Variants in HSPA8 observed in about 807,000 individuals in gnomAD.
HSPA8 encodes the protein heat shock protein family A (Hsp70) member 8.
HSPA8 carries 2 observed loss-of-function variants against 52.8 expected under a neutral mutation model. The ratio of observed to expected loss-of-function variants is 0.04; its 90% confidence interval spans 0.02 to 0.12. The LOEUF (loss-of-function observed/expected upper bound fraction) is 0.12, where lower values mean the gene tolerates loss of function less well. Ranked by LOEUF, HSPA8 falls within the 10% of genes least tolerant of loss-of-function variation. The probability of loss-of-function intolerance (pLI) is 1.00; values close to 1 mark genes in which losing one functional copy is unlikely to be tolerated. For missense variants in HSPA8, 349 were observed against 800.5 expected, an observed-to-expected ratio of 0.44 and a Z score of 6.81; for synonymous variants, 436 against 274.0, an observed-to-expected ratio of 1.59 and a Z score of -5.84.
chr11:123,059,771 G>T lies in HSPA8; in HGVS notation c.822C>A (p.Leu274=). 1 of 1,613,934 alleles carries T rather than the reference G, an allele frequency of 6.2e-7. No homozygotes were observed. The highest frequency in any genetic ancestry group is 8.5e-7 in the Non-Finnish European group (1 of 1,179,868). ...CAATACTGGCCTGGGTGCTGGAAGA[G>T]AGGGTACGCTTAGCACGTTCACAAG... is the stretch of plus-strand genomic sequence containing the variant. ...RTACERAKRT[L]SSSTQASIEI... Residue 274 remains leucine, a synonymous_variant, in exon 5 of 9, where the codon CTC becomes CTA. Transcript: ENST00000534624.
intron 3 of HSPA8, 125 bp from the exon 4 acceptor site, chr11:123,060,393 T>C: frequency 9.9e-7 from 1 of 1,014,330 alleles, no homozygotes; most frequent in Non-Finnish European, 1.5e-6. Flanking sequence ...TGTAAATTAC[T>C]GTGTAATTGT....
rs1865385345 is a variant in HSPA8, at chr11:123,058,497, T to C, written c.1523-13A>G. ...TTGCTCAAACGGCCTAGGAAAGAAATTAACTCTAAGTAAAAGCCTTAAATT... is the reference window on the plus strand; with the variant it reads ...TTGCTCAAACGGCCTAGGAAAGAAACTAACTCTAAGTAAAAGCCTTAAATT... On this transcript the variant is annotated splice_polypyrimidine_tract_variant and intron_variant, in intron 7 of 8. Coordinates refer to ENST00000534624, the MANE Select transcript of HSPA8 (RefSeq NM_006597.6). The C allele has an allele frequency of 1.2e-6, 2 of 1,611,640 alleles. No homozygotes were observed. The highest frequency in any genetic ancestry group is 1.7e-5 in the Admixed American group (1 of 59,944).
chr11:123,061,350 G>A (rs766071473), intron 1 of HSPA8, 21 bp from the exon 2 acceptor site: 15 of 1,576,798 alleles, frequency 9.5e-6, no homozygotes, highest in East Asian at 2.2e-5. Context: ...GAAAAATCTG[G>A]TTTAAAAATT....
At chr11:123,062,447 AC>A (rs1365783453), upstream of HSPA8, 21 of 152,276 alleles carry the variant, frequency 1.4e-4, no homozygotes, top group African/African-American at 4.8e-4. Context: ...GTCCTCAGTT[AC>A]CCCGGGCGGG....
rs774576037 is a variant in HSPA8, at chr11:123,058,608, G to C, written c.1522+24C>G. On this transcript the variant is annotated intron_variant, in intron 7 of 8. Coordinates refer to ENST00000534624, the MANE Select transcript of HSPA8 (RefSeq NM_006597.6). ...ATTGAAATACCATTATCCCTGTCAA[G>C]ACCAGATGACAGTGCCTCCTTACCC... 6 of 1,596,890 alleles carry C rather than the reference G, an allele frequency of 3.8e-6. No individual in the cohort carries two copies. In the Admixed American group the frequency reaches 5.0e-5, roughly 13 times the overall value.
intron 2 of HSPA8, 98 bp from the exon 3 acceptor site, chr11:123,060,896 G>A (rs752332871): frequency 9.9e-6 from 11 of 1,116,020 alleles, no homozygotes; most frequent in East Asian, 2.4e-5. Context: ...TCATAGGTAG[G>A]TGAATTCAAC....
intron 2 of HSPA8, 110 bp from the exon 3 acceptor site, chr11:123,060,908 A>C (rs755668817): frequency 9.7e-5 from 100 of 1,032,898 alleles, no homozygotes; most frequent in Non-Finnish European, 1.4e-4. Flanking sequence ...GAATTCAACT[A>C]CCATATAGGT....
At position 123,060,629 on chromosome 11, in the gene HSPA8, T is replaced by C. The variant is rs147610984; in HGVS notation, c.375A>G (p.Thr125=). The C allele has an allele frequency of 1.5e-3, 2,417 of 1,613,836 alleles. 26 individuals are homozygous for C. In the African/African-American group the frequency reaches 0.028, roughly 19 times the overall value. The change falls in exon 3 of 9, where the codon ACA becomes ACG. Residue 125 remains threonine, a synonymous_variant. Transcript: ENST00000534624. ...AGGCTTCTGCAATTTCCTTCATCTT[T>C]GTCAGAACCATAGAAGACACCTCCT... is the stretch of plus-strand genomic sequence containing the variant. ...YPEEVSSMVL[T]KMKEIAEAYL... is the part of the protein sequence containing the mutation.
At position 123,061,005 on chromosome 11, in the gene HSPA8, C is replaced by G. The variant is rs910169755; in HGVS notation, c.205+115G>C. ...ACCTGTTTTATAACAGACTTGATAA[C>G]AAGTCTCTCAGCTCAGTTTTTCTAA... On this transcript the variant is annotated intron_variant, in intron 2 of 8. Transcript: ENST00000534624. 5.2e-5 allele frequency: 50 copies of G among 969,094 alleles called. No homozygotes were observed. In the African/African-American group the frequency reaches 5.9e-4, roughly 11 times the overall value. The allele number at this position is 969,094 out of a possible 1,614,324, so 60.0% of individuals were successfully genotyped here.
intron 1 of HSPA8, chr11:123,061,680 T>A: frequency 3.2e-6 from 1 of 316,782 alleles, no homozygotes; most frequent in South Asian, 3.1e-5. Flanking sequence ...TGTACCCCCA[T>A]ACTGGAAGCA....
chr11:123,057,765 G>A lies in HSPA8; in HGVS notation c.1910C>T (p.Ser637Phe), dbSNP rs1219260728. ...AACCTCTTCAATGGTGGGCCCTGAG[G>A]AAGCACCACCAGAGGGAGGAGCTCC... is the stretch of plus-strand genomic sequence containing the variant. ...GGGAPPSGGA[S>F]SGPTIEEVD The change falls in exon 9 of 9, where the codon TCC becomes TTC. Residue 637 changes from serine (S) to phenylalanine (F), a missense_variant. Transcript: ENST00000534624. 2 of 1,613,220 alleles carry A rather than the reference G, an allele frequency of 1.2e-6. No individual in the cohort carries two copies. Among genetic ancestry groups the A allele is most frequent in the Non-Finnish European group, 1.7e-6 (2 of 1,179,672 alleles).
chr11:123,062,142 T>A (rs1186125879), upstream of HSPA8: 1 of 152,438 alleles, frequency 6.6e-6, no homozygotes, highest in Admixed American at 6.6e-5. Flanking sequence ...ATGAGACCGG[T>A]TTCCGCCCGC....
chr11:123,061,493 G>A (rs545918223), intron 1 of HSPA8, 164 bp from the exon 2 acceptor site: 14 of 627,072 alleles, frequency 2.2e-5, no homozygotes, highest in African/African-American at 7.3e-5. Context: ...TAGTGCTGCA[G>A]TCCAGGTTGC....
intron 3 of HSPA8, 105 bp from the exon 4 acceptor site, chr11:123,060,373 C>G (rs936132996): frequency 1.7e-5 from 20 of 1,145,484 alleles, no homozygotes; most frequent in East Asian, 4.8e-5. Flanking sequence ...GAGCACCCCC[C>G]CCACCAAAAT....
At chr11:123,058,863 G>A in intron 6 of HSPA8, 33 bp from the exon 7 acceptor site, 3 of 1,593,192 alleles carry the variant, frequency 1.9e-6, no homozygotes, top group Non-Finnish European at 2.6e-6. Flanking sequence ...TACTACAATG[G>A]ACTCCAGGTC....
intron 8 of HSPA8, 62 bp downstream of exon 8, chr11:123,058,190 G>T: frequency 1.9e-6 from 2 of 1,068,188 alleles, no homozygotes; most frequent in Non-Finnish European, 2.8e-6. Flanking sequence ...CTCAAGCTTG[G>T]TTTACCATCC....
rs551536516 is a variant in HSPA8, at chr11:123,061,632, T to C, written c.-5-303A>G. 37 of 433,626 alleles carry C rather than the reference T, an allele frequency of 8.5e-5. 1 individual carries two copies. The highest frequency in any genetic ancestry group is 6.5e-4 in the Middle Eastern group (1 of 1,534). The allele number at this position is 433,626 out of a possible 1,614,324, so 26.9% of individuals were successfully genotyped here. ...GTTCCCCTCCCTCGCCAGGTGCCAG[T>C]GCCCCCGGGAGTCAACGGGCTTTTA... On this transcript the variant is annotated intron_variant, in intron 1 of 8. Coordinates refer to ENST00000534624, the MANE Select transcript of HSPA8 (RefSeq NM_006597.6).
chr11:123,057,828 C>A lies in HSPA8; in HGVS notation c.1847G>T (p.Gly616Val), dbSNP rs1296437764. 3 of 1,613,740 alleles carry A rather than the reference C, an allele frequency of 1.9e-6. No homozygotes were observed. Among genetic ancestry groups the A allele is most frequent in the African/African-American group, 1.3e-5 (1 of 75,032 alleles). ...IITKLYQSAG[G>V]MPGGMPGGFP... Reference sequence around the variant, plus strand: ...TCCCCCAGGCATTCCTCCTGGCATGCCTCCTGCACTCTGGTACAGCTTGGT... The same window carrying A: ...TCCCCCAGGCATTCCTCCTGGCATGACTCCTGCACTCTGGTACAGCTTGGT... Residue 616 changes from glycine to valine, a missense_variant, in exon 9 of 9, where the codon GGC (glycine) becomes GTC (valine). Gly to Val is a moderately radical substitution (Grantham distance 109, BLOSUM62 -3). Transcript: ENST00000534624.
rs1428475454 is a variant in HSPA8, at chr11:123,059,460, A to G, written c.1120+13T>C. 1.9e-6 allele frequency: 3 copies of G among 1,605,232 alleles called. No individual in the cohort carries two copies. Among genetic ancestry groups the G allele is most frequent in the Non-Finnish European group, 2.6e-6 (3 of 1,174,510 alleles). ...CTGCCTGCCTTTAGGGTTAATTGAG[A>G]TACCATTGTTACCTGCACCATAAGC... is the stretch of plus-strand genomic sequence containing the variant. On this transcript the variant is annotated intron_variant, in intron 5 of 8. Transcript: ENST00000534624.
Sources: gnomAD v4.1 joint callset for allele counts on GRCh38, gnomAD v4.1.1 for gene constraint, MANE v1.5 for transcripts, NCBI Gene and HGNC (gene_info 2026-07-23, HGNC 2026-07-21) for gene names.